FGF12: variants seen among roughly 807,000 people sequenced by gnomAD.
FGF12 encodes the protein fibroblast growth factor 12B.
In FGF12, 14 loss-of-function variants were observed where a neutral mutation model predicts 23.6. The observed-to-expected ratio is 0.59, with a 90% CI of 0.39 to 0.93. The LOEUF (loss-of-function observed/expected upper bound fraction) is 0.93. Ranked by LOEUF, FGF12 falls within the 40% of genes least tolerant of loss-of-function variation. The probability of loss-of-function intolerance (pLI) is 0.00; values close to 1 mark genes in which losing one functional copy is unlikely to be tolerated. For synonymous variants in FGF12, 62 were observed against 77.3 expected (o/e 0.80, Z 1.04); for missense variants, 175 against 217.8 (o/e 0.80, Z 1.24).
intron 4 of FGF12, among the ~76,000 whole-genome samples, chr3:192,289,802 T>A (rs1490250180): frequency 6.6e-6 from 1 of 152,188 alleles, no homozygotes; most frequent in East Asian, 1.9e-4. Context: ...TCTCTCTTTA[T>A]CAGGGGAATA....
intron 2 of FGF12, among the ~76,000 whole-genome samples, chr3:192,375,640 C>CT (rs1235623072): frequency 7.9e-5 from 12 of 152,112 alleles, no homozygotes; most frequent in South Asian, 4.1e-4. Context: ...TGTTTACCAT[C>CT]TTTTTTGCTC....
chr3:192,713,290 C>G lies in FGF12; in HGVS notation c.13+13891G>C, dbSNP rs565285731. 2.7e-4 allele frequency among the ~76,000 whole-genome samples: 41 copies of G among 151,866 alleles called. No homozygotes were observed. The South Asian group carries it at 8.3e-3, about 31-fold the overall frequency. ...CTTGAAAGCTATTTCCTTGGTGGGACGCTGAGAAATTAAGAGGTAGTAAGA... is the reference window on the plus strand; with the variant it reads ...CTTGAAAGCTATTTCCTTGGTGGGAGGCTGAGAAATTAAGAGGTAGTAAGA... On this transcript the variant is annotated intron_variant, in intron 2 of 5. Coordinates refer to ENST00000445105, the MANE Select transcript of FGF12 (RefSeq NM_004113.6).
intron 2 of FGF12, among the ~76,000 whole-genome samples, chr3:192,536,420 T>A (rs911942405): frequency 6.6e-6 from 1 of 152,062 alleles, no homozygotes; most frequent in Non-Finnish European, 1.5e-5. Context: ...CCAACAAATA[T>A]CATGCCCTCC....
chr3:192,263,161 T>C (rs1226025636), intron 4 of FGF12, among the ~76,000 whole-genome samples: 1 of 152,060 alleles, frequency 6.6e-6, no homozygotes, highest in Non-Finnish European at 1.5e-5. Context: ...TCAGAAAATA[T>C]AGGATTGAAT....
At chr3:192,158,338 CTTTCTT>C (rs1714566973) in intron 5 of FGF12, among the ~76,000 whole-genome samples, 4 of 69,094 alleles carry the variant, frequency 5.8e-5, no homozygotes, top group Non-Finnish European at 1.3e-4. Context: ...CTTTCTCTTT[CTTTCTT>C]TCTTTCTTTC....
At chr3:192,242,325 G>A (rs1448621819) in intron 4 of FGF12, among the ~76,000 whole-genome samples, 1 of 152,118 alleles carries the variant, frequency 6.6e-6, no homozygotes, top group Non-Finnish European at 1.5e-5. Flanking sequence ...GTTCATTATG[G>A]GATGAGCAGC....
intron 2 of FGF12, among the ~76,000 whole-genome samples, chr3:192,418,861 T>C (rs1721435682): frequency 6.6e-6 from 1 of 152,204 alleles, no homozygotes; most frequent in South Asian, 2.1e-4. Flanking sequence ...ATTAAACCTC[T>C]TTTCTCTACA....
intron 2 of FGF12, among the ~76,000 whole-genome samples, chr3:192,441,187 T>C (rs1722191150): frequency 6.6e-6 from 1 of 152,214 alleles, no homozygotes; most frequent in Non-Finnish European, 1.5e-5. Context: ...ATTATAAATA[T>C]TGAAGATTCA....
chr3:192,568,800 G>A (rs1405167512), intron 2 of FGF12, among the ~76,000 whole-genome samples: 3 of 152,122 alleles, frequency 2.0e-5, no homozygotes, highest in African/African-American at 7.2e-5. Flanking sequence ...CGTTATCACT[G>A]TGAGGTAGTG....
intron 2 of FGF12, among the ~76,000 whole-genome samples, chr3:192,680,460 G>A (rs898524287): frequency 3.2e-4 from 48 of 152,268 alleles, no homozygotes; most frequent in African/African-American, 1.1e-3. Flanking sequence ...GTAGTGGGGG[G>A]AGGTTATGAA....
intron 4 of FGF12, among the ~76,000 whole-genome samples, chr3:192,298,080 T>G (rs1248269317): frequency 1.3e-5 from 2 of 152,244 alleles, no homozygotes; most frequent in African/African-American, 4.8e-5. Flanking sequence ...CTGAACACAG[T>G]GCATGGCACA....
chr3:192,637,316 T>C (rs1875739), intron 2 of FGF12, among the ~76,000 whole-genome samples: 95,801 of 152,040 alleles, frequency 0.63, 30,814 homozygotes, highest in African/African-American at 0.73. Flanking sequence ...TTCACTCATA[T>C]TTCCTTTCAG....
chr3:192,188,268 A>G (rs1716595917), intron 4 of FGF12, among the ~76,000 whole-genome samples: 1 of 152,224 alleles, frequency 6.6e-6, no homozygotes, highest in Admixed American at 6.5e-5. Context: ...TTGCTCCACA[A>G]AACTCAGCAC....
At chr3:192,505,522 T>C (rs1303221227) in intron 2 of FGF12, among the ~76,000 whole-genome samples, 2 of 152,156 alleles carry the variant, frequency 1.3e-5, no homozygotes, top group Admixed American at 6.5e-5. Context: ...ATAGAAGAGA[T>C]TATATTGGGG....
At chr3:192,374,830 AT>A (rs1170800629) in intron 2 of FGF12, among the ~76,000 whole-genome samples, 1 of 152,178 alleles carries the variant, frequency 6.6e-6, no homozygotes, top group East Asian at 1.9e-4. Flanking sequence ...ACAGATTATC[AT>A]TCTCACTGCC....
At chr3:192,347,431 G>T (rs562544818) in intron 3 of FGF12, among the ~76,000 whole-genome samples, 7 of 152,250 alleles carry the variant, frequency 4.6e-5, no homozygotes, top group African/African-American at 1.2e-4. Flanking sequence ...TCAAAGTGTG[G>T]TCCTCCTGCA....
Position 192,640,755 on chromosome 3 carries a change from T to C in FGF12, c.13+86426A>G, listed in dbSNP as rs1271046128. Among the ~76,000 whole-genome samples, 6 of 152,342 alleles carry C rather than the reference T, an allele frequency of 3.9e-5. No individual in the cohort carries two copies. In the East Asian group the frequency reaches 1.2e-3, roughly 29 times the overall value. ...TGACCCATGGGCCAATTTTGGACTG[T>C]AGCCCATTTTTGTATAGGCTGAGAG... On this transcript the variant is annotated intron_variant, in intron 2 of 5. Coordinates refer to ENST00000445105, the MANE Select transcript of FGF12 (RefSeq NM_004113.6).
chr3:192,265,070 C>A (rs1337027261), intron 4 of FGF12, among the ~76,000 whole-genome samples: 1 of 151,966 alleles, frequency 6.6e-6, no homozygotes, highest in African/African-American at 2.4e-5. Context: ...AAAAAGGGAA[C>A]CATTGAAGAT....
At chr3:192,324,039 C>T (rs1459877998) in intron 4 of FGF12, among the ~76,000 whole-genome samples, 5 of 152,002 alleles carry the variant, frequency 3.3e-5, no homozygotes, top group Non-Finnish European at 7.4e-5. Flanking sequence ...TTGCAGTGAG[C>T]CGAGATCAAG....
Sources: gnomAD v4.1 joint callset for allele counts (sites outside exome capture counted in the v4.1 genomes callset) on GRCh38, gnomAD v4.1.1 for gene constraint, MANE v1.5 for transcripts, NCBI Gene and HGNC (gene_info 2026-07-23, HGNC 2026-07-21) for gene names.